PATZ1: variants seen among roughly 807,000 people sequenced by gnomAD.
PATZ1 encodes the protein POZ/BTB and AT hook containing zinc finger 1.
In PATZ1, 9 loss-of-function variants were observed where a neutral mutation model predicts 46.2. The observed-to-expected ratio is 0.19, with a 90% CI of 0.12 to 0.34. The LOEUF (loss-of-function observed/expected upper bound fraction) is 0.34. Ranked by LOEUF, PATZ1 falls within the 10% of genes least tolerant of loss-of-function variation. The pLI, the probability that PATZ1 is intolerant of heterozygous loss-of-function variation, is 1.00. For missense variants in PATZ1, 632 were observed against 923.0 expected (o/e 0.68, Z 4.08); for synonymous variants, 426 against 378.6 (o/e 1.13, Z -1.45).
chr22:31,340,728 G>A (rs927517992), intron 2 of PATZ1: 27 of 1,047,606 alleles, frequency 2.6e-5, no homozygotes, highest in South Asian at 2.3e-4. Flanking sequence ...CAGAGTCTGC[G>A]GAGTGCTAAA....
chr22:31,342,980 G>C lies in PATZ1; in HGVS notation c.1272-20C>G, dbSNP rs1036953037. ...TCAGGCCTGGAAAAGAGAGAACCAAGAGGGACTTTAGAAACTTGGCCAGAC... is the reference window on the plus strand; with the variant it reads ...TCAGGCCTGGAAAAGAGAGAACCAACAGGGACTTTAGAAACTTGGCCAGAC... On this transcript the variant is annotated intron_variant, in intron 1 of 4. Coordinates refer to ENST00000266269, the MANE Select transcript of PATZ1 (RefSeq NM_014323.3). 17 of 1,613,610 alleles carry C rather than the reference G, an allele frequency of 1.1e-5. No individual in the cohort carries two copies. Among genetic ancestry groups the C allele is most frequent in the African/African-American group, 1.3e-5 (1 of 74,900 alleles).
Position 31,335,678 on chromosome 22 carries a change from A to G in PATZ1, c.1507+14T>C. The G allele has an allele frequency of 2.5e-6, 4 of 1,611,774 alleles. No homozygotes were observed. In the South Asian group the frequency reaches 3.3e-5, roughly 13 times the overall value. ...GCCCATCCTCTGGAAGTGAGGAAAC[A>G]GTGGGCAGATTACCTCGGTTACAGA... On this transcript the variant is annotated intron_variant, in intron 3 of 4. Coordinates refer to ENST00000266269, the MANE Select transcript of PATZ1 (RefSeq NM_014323.3).
chr22:31,335,598 G>C (rs989926242), intron 3 of PATZ1, 94 bp downstream of exon 3: 2 of 1,193,538 alleles, frequency 1.7e-6, no homozygotes, highest in Non-Finnish European at 2.4e-6. Flanking sequence ...TGTGCAAAGA[G>C]TGGAGTCTGA....
rs555736444 is a variant in PATZ1 at position 31,336,533 on chromosome 22, G to A, written c.1336-670C>T. 1.8e-4 allele frequency among the ~76,000 whole-genome samples: 27 copies of A among 152,202 alleles called. No homozygotes were observed. In the South Asian group the frequency reaches 4.8e-3, roughly 27 times the overall value. On this transcript the variant is annotated intron_variant, in intron 2 of 4. Transcript: ENST00000266269. The stretch of plus-strand genomic sequence containing the variant: ...TCAAAAGTGTCTGTGGGCCGGGTGC[G>A]GTGGCTCATGCTTGTAATCCCAGCG...
rs761097230 is a variant in PATZ1 at position 31,325,960 on chromosome 22, C to T, written c.*931G>A. On this transcript the variant is annotated 3_prime_UTR_variant, in exon 5 of 5. Coordinates refer to ENST00000266269, the MANE Select transcript of PATZ1 (RefSeq NM_014323.3). Reference sequence around the variant, plus strand: ...TGGTTCCCAACAGCATTGAAACCCCCTACTTCCCTGACCAGACTGGCATTT... The same window carrying T: ...TGGTTCCCAACAGCATTGAAACCCCTTACTTCCCTGACCAGACTGGCATTT... 2 of 215,024 alleles carry T rather than the reference C, an allele frequency of 9.3e-6. No homozygotes were observed. Among genetic ancestry groups the T allele is most frequent in the African/African-American group, 2.3e-5 (1 of 44,304 alleles). 13.3% of individuals were successfully genotyped at this position (215,024 alleles called of 1,614,324 possible).
In PATZ1 at chr22:31,326,045, T is replaced by G. The variant is rs1184356333; in HGVS notation, c.*846A>C. 4.6e-6 allele frequency: 1 copy of G among 216,742 alleles called. No homozygotes were observed. The highest frequency in any genetic ancestry group is 6.8e-5 in the East Asian group (1 of 14,628). 13.4% of individuals were successfully genotyped at this position (216,742 alleles called of 1,614,324 possible). A position where few individuals can be genotyped will look rare whatever the true frequency, so the allele number is the denominator to read the frequency against. ...ACTTCAAACAATCAACTAGCCAAGT[T>G]AATTATGGTACATCTAAACAAAGTT... On this transcript the variant is annotated 3_prime_UTR_variant, in exon 5 of 5. Coordinates refer to ENST00000266269, the MANE Select transcript of PATZ1 (RefSeq NM_014323.3).
intron 3 of PATZ1, chr22:31,335,395 C>T (rs1166900241): frequency 3.1e-6 from 1 of 322,362 alleles, no homozygotes; most frequent in African/African-American, 2.1e-5. Context: ...AAAATGCATC[C>T]ATCCTGCCAT....
At position 31,345,309 on chromosome 22, in the gene PATZ1, G is replaced by A. The variant is rs1261574846; in HGVS notation, c.294C>T (p.Ala98=). ...GGATAAPGGG[A]GGSRELEMHT... The stretch of plus-strand genomic sequence containing the variant: ...GCATCTCCAGCTCCCGGCTGCCCCC[G>A]GCCCCGCCGCCTGGTGCTGCCGTCG... Residue 98 remains alanine, a synonymous_variant, in exon 1 of 5, where the codon GCC becomes GCT. Coordinates refer to ENST00000266269, the MANE Select transcript of PATZ1 (RefSeq NM_014323.3). The surrounding 1 kb of genome is among the most constrained non-coding windows in gnomAD (Gnocchi z 7.4). The A allele has an allele frequency of 6.2e-7, 1 of 1,610,828 alleles. No individual in the cohort carries two copies. The highest frequency in any genetic ancestry group is 1.1e-5 in the South Asian group (1 of 90,868).
At chr22:31,343,045 C>A (rs966362241) in intron 1 of PATZ1, 85 bp from the exon 2 acceptor site, 1 of 1,585,262 alleles carries the variant, frequency 6.3e-7, no homozygotes. Context: ...TGTACACACA[C>A]ACACACACTC....
In PATZ1 at chr22:31,326,763, GGTTGGGGGGCA is replaced by G; in HGVS notation, c.*117_*127del. 2.7e-6 allele frequency: 2 copies of G among 733,978 alleles called. No homozygotes were observed. The highest frequency in any genetic ancestry group is 3.8e-4 in the Middle Eastern group (1 of 2,624). 45.5% of individuals were successfully genotyped at this position (733,978 alleles called of 1,614,324 possible). A position where few individuals can be genotyped will look rare whatever the true frequency, so the allele number is the denominator to read the frequency against. ...GGTGGTGGAGAAGGAGTTGGAGTGGGGTTGGGGGGCAGTTAAAAATGAATAAAAATCTCTCA... is the reference window on the plus strand; with the variant it reads ...GGTGGTGGAGAAGGAGTTGGAGTGGGGTTAAAAATGAATAAAAATCTCTCA... On this transcript the variant is annotated 3_prime_UTR_variant, in exon 5 of 5. Coordinates refer to ENST00000266269, the MANE Select transcript of PATZ1 (RefSeq NM_014323.3).
chr22:31,333,115 G>A (rs1004700875), intron 3 of PATZ1, among the ~76,000 whole-genome samples: 44 of 152,182 alleles, frequency 2.9e-4, no homozygotes, highest in Non-Finnish European at 7.3e-5. Flanking sequence ...TCTGACTCAC[G>A]TGTGAGGCTG....
At chr22:31,343,281 T>G in intron 1 of PATZ1, 1 of 1,082,988 alleles carries the variant, frequency 9.2e-7, no homozygotes, top group Non-Finnish European at 1.1e-6. Context: ...GAAACAGAGC[T>G]GCCTCACTGC....
rs1178059778 is a variant in PATZ1, at chr22:31,341,485, G to C, written c.1335+1412C>G. ...TGCCTCAGATATCCCGGCGGGGCTG[G>C]GCAGAAGAGAGTGTTGCTGGAGTGT... On this transcript the variant is annotated intron_variant, in intron 2 of 4. Coordinates refer to ENST00000266269, the MANE Select transcript of PATZ1 (RefSeq NM_014323.3). The C allele has an allele frequency of 1.9e-6, 3 of 1,613,252 alleles. No individual in the cohort carries two copies. In the Admixed American group the frequency reaches 5.0e-5, roughly 27 times the overall value.
rs780104367 is a variant in PATZ1 at position 31,345,260 on chromosome 22, C to T, written c.343G>A (p.Gly115Arg). The change falls in exon 1 of 5, where the codon GGG becomes AGG. Residue 115 changes from glycine to arginine, a missense_variant. Around this residue, in one of 7 missense-constraint regions of PATZ1, gnomAD observed 62 missense variants for 67.9 expected, o/e 0.91. Coordinates refer to ENST00000266269, the MANE Select transcript of PATZ1 (RefSeq NM_014323.3). The surrounding 1 kb of genome is among the most constrained non-coding windows in gnomAD (Gnocchi z 7.4). ...GTGTAGGCGAAGTCCAGAATGTCCC[C>T]AAATACCTTGGAGCTGATAGTGTGC... ...EMHTISSKVF[G>R]DILDFAYTSR... 6.2e-7 allele frequency: 1 copy of T among 1,613,268 alleles called. No homozygotes were observed. Among genetic ancestry groups the T allele is most frequent in the South Asian group, 1.1e-5 (1 of 91,000 alleles).
At chr22:31,335,940 G>C in intron 2 of PATZ1, 77 bp from the exon 3 acceptor site, 1,848 of 1,239,864 alleles carry the variant, frequency 1.5e-3, no homozygotes, top group Non-Finnish European at 1.9e-3. Flanking sequence ...GCACCATGAA[G>C]CAAAGGCAAT....
intron 1 of PATZ1, among the ~76,000 whole-genome samples, chr22:31,344,070 G>C (rs577942411): frequency 4.1e-4 from 63 of 152,302 alleles, no homozygotes; most frequent in African/African-American, 1.5e-3. Flanking sequence ...GAGGTCCGGT[G>C]GCTCTGGCCT....
chr22:31,342,889 G>T lies in PATZ1; in HGVS notation c.1335+8C>A. The T allele has an allele frequency of 1.2e-6, 2 of 1,613,836 alleles. No homozygotes were observed. The highest frequency in any genetic ancestry group is 1.7e-6 in the Non-Finnish European group (2 of 1,179,794). On this transcript the variant is annotated splice_region_variant and intron_variant, in intron 2 of 4. Coordinates refer to ENST00000266269, the MANE Select transcript of PATZ1 (RefSeq NM_014323.3). The stretch of plus-strand genomic sequence containing the variant: ...TTCAGCCCATCTCTGCCCTGACCCA[G>T]CCCCTACCTGACACTTGTGAGGCCG...
intron 2 of PATZ1, chr22:31,340,928 G>A: frequency 2.8e-6 from 3 of 1,067,612 alleles, no homozygotes; most frequent in Non-Finnish European, 3.4e-6. Context: ...GATCTGAGTG[G>A]GAAGGGCAGA....
At chr22:31,340,373 G>A (rs73396208) in intron 2 of PATZ1, among the ~76,000 whole-genome samples, 3,476 of 152,322 alleles carry the variant, frequency 0.023, 138 homozygotes, top group African/African-American at 0.077. Flanking sequence ...CTCAAGGAAT[G>A]AACTCCCAGA....
Sources: gnomAD v4.1 joint callset for allele counts (sites outside exome capture counted in the v4.1 genomes callset) on GRCh38, gnomAD v4.1.1 for gene constraint, gnomAD v4.1.1 regional missense constraint, Gnocchi (gnomAD v3.1) non-coding constraint, MANE v1.5 for transcripts, NCBI Gene and HGNC (gene_info 2026-07-23, HGNC 2026-07-21) for gene names.